ADAMTSL1: variants seen among roughly 807,000 people sequenced by gnomAD.
ADAMTSL1 encodes the protein ADAMTS-like protein 1.
Under a neutral mutation model 201.8 loss-of-function variants are expected in ADAMTSL1, and 126 were observed. That is an observed-to-expected ratio of 0.62 (90% CI 0.54 to 0.72). The LOEUF (loss-of-function observed/expected upper bound fraction) is 0.72, where lower values mean the gene tolerates loss of function less well. Ranked by LOEUF, ADAMTSL1 falls within the 30% of genes least tolerant of loss-of-function variation. The probability of loss-of-function intolerance (pLI) is 0.00; values close to 1 mark genes in which losing one functional copy is unlikely to be tolerated. For synonymous variants in ADAMTSL1, 1,121 were observed against 903.4 expected (o/e 1.24, Z -4.32); for missense variants, 2,679 against 2,277.8 (o/e 1.18, Z -3.59).
chr9:17,912,809 T>A, intron 1 of ADAMTSL1, among the ~76,000 whole-genome samples: 1 of 133,778 alleles, frequency 7.5e-6, no homozygotes, highest in African/African-American at 2.5e-5. Context: ...CTAGGGTTTT[T>A]ATGGTTTTAG....
At chr9:18,795,918 G>A (rs1347078245) in intron 20 of ADAMTSL1, among the ~76,000 whole-genome samples, 1 of 152,220 alleles carries the variant, frequency 6.6e-6, no homozygotes, top group Non-Finnish European at 1.5e-5. Flanking sequence ...TCCACCTGTT[G>A]CAAGAAAGAC....
intron 1 of ADAMTSL1, among the ~76,000 whole-genome samples, chr9:18,119,425 C>G (rs764647765): frequency 7.9e-5 from 12 of 152,052 alleles, no homozygotes. Flanking sequence ...CTCAGCTTCC[C>G]AAGTAGCTGA....
chr9:18,209,762 T>G (rs1479134943), intron 2 of ADAMTSL1, among the ~76,000 whole-genome samples: 1 of 152,196 alleles, frequency 6.6e-6, no homozygotes, highest in Non-Finnish European at 1.5e-5. Flanking sequence ...TATTTCCTCT[T>G]TGTTCTGTTT....
intron 2 of ADAMTSL1, among the ~76,000 whole-genome samples, chr9:18,286,051 C>T (rs1832981755): frequency 6.6e-6 from 1 of 151,696 alleles, no homozygotes; most frequent in East Asian, 1.9e-4. Context: ...CTCTCTCTCT[C>T]TGTGGATTTA....
chr9:18,280,101 C>T (rs763338983), intron 2 of ADAMTSL1, among the ~76,000 whole-genome samples: 1 of 151,708 alleles, frequency 6.6e-6, no homozygotes, highest in Non-Finnish European at 1.5e-5. Context: ...GTATTGGAGC[C>T]AGTAGTCTGG....
intron 14 of ADAMTSL1, among the ~76,000 whole-genome samples, chr9:18,709,801 G>A (rs1047239027): frequency 1.3e-5 from 2 of 152,166 alleles, no homozygotes; most frequent in Non-Finnish European, 2.9e-5. Context: ...CTCCTAGACA[G>A]TAAAATCCAC....
chr9:18,313,460 A>T (rs1183137306), intron 2 of ADAMTSL1, among the ~76,000 whole-genome samples: 1 of 152,130 alleles, frequency 6.6e-6, no homozygotes, highest in African/African-American at 2.4e-5. Context: ...AGAATCATAG[A>T]GAGTTTTTAA....
At position 18,455,508 on chromosome 9, in the gene ADAMTSL1, G is replaced by A. The variant is rs1021332063; in HGVS notation, c.208-49321G>A. 2.0e-5 allele frequency among the ~76,000 whole-genome samples: 3 copies of A among 151,362 alleles called. No individual in the cohort carries two copies. In the East Asian group the frequency reaches 5.8e-4, roughly 29 times the overall value. ...TTTAATATAATTTTTTAAACCTAAC[G>A]TTAAACTCCTAATCTTTTTTTTTTT... is the stretch of plus-strand genomic sequence containing the variant. On this transcript the variant is annotated intron_variant, in intron 2 of 29. Transcript: ENST00000680146.
chr9:18,685,845 T>A (rs1406977194), intron 13 of ADAMTSL1, among the ~76,000 whole-genome samples: 2 of 152,198 alleles, frequency 1.3e-5, no homozygotes, highest in Non-Finnish European at 2.9e-5. Context: ...CAAAGGTCAC[T>A]TGTAAAGAAA....
At chr9:18,796,319 C>T (rs1044068480) in intron 20 of ADAMTSL1, among the ~76,000 whole-genome samples, 1 of 152,174 alleles carries the variant, frequency 6.6e-6, no homozygotes, top group African/African-American at 2.4e-5. Flanking sequence ...ACTGGAGTCT[C>T]CTAACTCCCA....
intron 2 of ADAMTSL1, among the ~76,000 whole-genome samples, chr9:18,324,591 C>A (rs943371656): frequency 2.0e-5 from 3 of 151,950 alleles, no homozygotes; most frequent in Non-Finnish European, 4.4e-5. Context: ...ACGGTGAAAT[C>A]TCGTCTCTAC....
At chr9:18,269,090 A>T (rs1285870222) in intron 2 of ADAMTSL1, among the ~76,000 whole-genome samples, 1 of 152,172 alleles carries the variant, frequency 6.6e-6, no homozygotes, top group African/African-American at 2.4e-5. Context: ...AAAACCAGAT[A>T]TATGTTAATT....
intron 2 of ADAMTSL1, among the ~76,000 whole-genome samples, chr9:18,199,150 C>T: frequency 6.6e-6 from 1 of 151,326 alleles, no homozygotes; most frequent in East Asian, 2.0e-4. Flanking sequence ...GGAAGATATA[C>T]CTAATGCTAG....
intron 2 of ADAMTSL1, among the ~76,000 whole-genome samples, chr9:18,426,714 C>T (rs981040004): frequency 6.6e-6 from 1 of 152,080 alleles, no homozygotes. Context: ...GCCATGCTGT[C>T]TCCTGTAAGG....
At chr9:18,844,804 CAA>C (rs1424228889) in intron 23 of ADAMTSL1, among the ~76,000 whole-genome samples, 1 of 152,216 alleles carries the variant, frequency 6.6e-6, no homozygotes, top group Non-Finnish European at 1.5e-5. Context: ...GCCATGCTAG[CAA>C]TCAGCAAGAC....
intron 23 of ADAMTSL1, among the ~76,000 whole-genome samples, chr9:18,838,514 A>C (rs955642784): frequency 6.6e-6 from 1 of 151,722 alleles, no homozygotes; most frequent in Non-Finnish European, 1.5e-5. Flanking sequence ...GCTCCAGTTT[A>C]AAAATAAATA....
rs150945133 is a variant in ADAMTSL1 at position 18,116,088 on chromosome 9, C to T, written c.88-47774C>T. ...GGGACAGAGACCGTGGGTAATGTGA[C>T]ATTGATGGTGTGATATTGCTTCCCC... On this transcript the variant is annotated intron_variant, in intron 1 of 29. Coordinates refer to the ADAMTSL1 transcript ENST00000680146. Among the ~76,000 whole-genome samples the T allele has an allele frequency of 2.9e-3, 439 of 152,226 alleles. 3 individuals are homozygous for T. The highest frequency in any genetic ancestry group is 1.0e-2 in the African/African-American group (415 of 41,542).
chr9:18,277,969 C>T (rs1184059695), intron 2 of ADAMTSL1, among the ~76,000 whole-genome samples: 2 of 151,926 alleles, frequency 1.3e-5, no homozygotes, highest in African/African-American at 2.4e-5. Flanking sequence ...GTGTCATTAT[C>T]GTGAAGCTTA....
chr9:18,072,365 A>G (rs1325961557), intron 1 of ADAMTSL1, among the ~76,000 whole-genome samples: 10 of 152,174 alleles, frequency 6.6e-5, no homozygotes, highest in Non-Finnish European at 1.5e-4. Context: ...AGAGCTATCC[A>G]TGCCTGGAGA....
Sources: allele counts gnomAD v4.1 joint callset (sites outside exome capture counted in the v4.1 genomes callset), GRCh38; gene constraint gnomAD v4.1.1; transcripts MANE v1.5; gene names NCBI Gene and HGNC (gene_info 2026-07-23, HGNC 2026-07-21).